Variants in FOXN3 observed in about 807,000 individuals in gnomAD.
FOXN3 encodes the protein forkhead box protein N3.
FOXN3 carries 7 observed loss-of-function variants against 38.4 expected under a neutral mutation model. That is an observed-to-expected ratio of 0.18 (90% CI 0.10 to 0.34). The LOEUF is 0.34. FOXN3 is among the 10% of genes least tolerant of loss of function. The pLI is 1.00. For synonymous variants in FOXN3, 230 were observed against 242.2 expected (o/e 0.95, Z 0.47); for missense variants, 456 against 613.4 (o/e 0.74, Z 2.71).
intron 4 of FOXN3, among the ~76,000 whole-genome samples, chr14:89,247,992 C>A (rs1885345312): frequency 6.6e-6 from 1 of 152,198 alleles, no homozygotes; most frequent in Non-Finnish European, 1.5e-5. Context: ...CATGGTGGCA[C>A]AATTGCACCT....
chr14:89,590,869 C>A (rs1895936183), intron 1 of FOXN3, among the ~76,000 whole-genome samples: 1 of 152,192 alleles, frequency 6.6e-6, no homozygotes, highest in East Asian at 1.9e-4. Flanking sequence ...CAGGGGAGGT[C>A]TACCCCCTAC....
chr14:89,501,356 C>T (rs1267382364), intron 1 of FOXN3, among the ~76,000 whole-genome samples: 1 of 152,138 alleles, frequency 6.6e-6, no homozygotes, highest in Non-Finnish European at 1.5e-5. Flanking sequence ...CACACAGCAG[C>T]TCACGATGGC....
intron 4 of FOXN3, among the ~76,000 whole-genome samples, chr14:89,223,615 A>T (rs183084008): frequency 3.4e-4 from 52 of 152,334 alleles, no homozygotes; most frequent in African/African-American, 1.2e-3. Context: ...TCCCTTTCAG[A>T]AAGCATCTGA....
At chr14:89,372,577 C>T (rs1384301259) in intron 2 of FOXN3, among the ~76,000 whole-genome samples, 1 of 152,160 alleles carries the variant, frequency 6.6e-6, no homozygotes, top group African/African-American at 2.4e-5. Flanking sequence ...CACCATACAA[C>T]CAAACTTTCC....
chr14:89,351,198 C>G (rs1035460811), intron 2 of FOXN3: 1 of 154,580 alleles, frequency 6.5e-6, no homozygotes, highest in African/African-American at 2.4e-5. Flanking sequence ...GGCCGAGACA[C>G]CCCCAAAAGT....
chr14:89,214,128 T>C (rs1884189073), intron 4 of FOXN3, among the ~76,000 whole-genome samples: 1 of 151,586 alleles, frequency 6.6e-6, no homozygotes. Context: ...ATATCTTTTT[T>C]GTTTGTTTGT....
At chr14:89,312,306 C>CAAAAAAAAAAAAAAAAAAAAAAAAAA (rs1887578056) in intron 3 of FOXN3, among the ~76,000 whole-genome samples, 1 of 60,512 alleles carries the variant, frequency 1.7e-5, no homozygotes, top group African/African-American at 7.1e-5. Context: ...AAAAAAGAAG[C>CAAAAAAAAAAAAAAAAAAAAAAAAAA]CAAGGCCCTC....
At chr14:89,275,629 A>G (rs1025876097) in intron 4 of FOXN3, among the ~76,000 whole-genome samples, 8 of 152,166 alleles carry the variant, frequency 5.3e-5, no homozygotes, top group Non-Finnish European at 1.0e-4. Context: ...TCAGCAGTAA[A>G]AGTTCGTAGC....
intron 4 of FOXN3, among the ~76,000 whole-genome samples, chr14:89,275,720 C>T (rs1415377886): frequency 6.6e-6 from 1 of 152,148 alleles, no homozygotes; most frequent in Non-Finnish European, 1.5e-5. Flanking sequence ...ATGAAGCCAA[C>T]CTAGAACATG....
intron 1 of FOXN3, among the ~76,000 whole-genome samples, chr14:89,572,903 G>C (rs1198189848): frequency 1.3e-5 from 2 of 152,190 alleles, no homozygotes; most frequent in African/African-American, 4.8e-5. Flanking sequence ...ATTGCTCGGG[G>C]TCATCGAACA....
rs142771864 is a variant in FOXN3 at position 89,311,812 on chromosome 14, C to A, written c.681-30798G>T. Among the ~76,000 whole-genome samples, 743 of 152,216 alleles carry A rather than the reference C, an allele frequency of 4.9e-3. 4 individuals are homozygous for A. The highest frequency in any genetic ancestry group is 0.011 in the South Asian group (54 of 4,826). ...CTGCACTCCAGCCTGGGTGACAGAG[C>A]GAGACTCCGTCTCAAAAAACAAACA... On this transcript the variant is annotated intron_variant, in intron 3 of 5. Coordinates refer to ENST00000557258, the MANE Select transcript of FOXN3 (RefSeq NM_005197.4).
intron 3 of FOXN3, among the ~76,000 whole-genome samples, chr14:89,318,426 T>A (rs977132393): frequency 6.6e-6 from 1 of 152,156 alleles, no homozygotes; most frequent in African/African-American, 2.4e-5. Context: ...CCCACAGTAC[T>A]GGGATTACAG....
intron 4 of FOXN3, among the ~76,000 whole-genome samples, chr14:89,245,621 G>A (rs1885270837): frequency 6.6e-6 from 1 of 152,168 alleles, no homozygotes; most frequent in African/African-American, 2.4e-5. Flanking sequence ...AGTAAAAGGG[G>A]AGCCTGTTCC....
chr14:89,285,299 T>C (rs993599480), intron 3 of FOXN3, among the ~76,000 whole-genome samples: 2 of 152,120 alleles, frequency 1.3e-5, no homozygotes, highest in Non-Finnish European at 2.9e-5. Context: ...GGTGGGCAGA[T>C]CACAAGGTCA....
At chr14:89,270,578 G>A (rs941339500) in intron 4 of FOXN3, among the ~76,000 whole-genome samples, 1 of 152,174 alleles carries the variant, frequency 6.6e-6, no homozygotes, top group Admixed American at 6.5e-5. Flanking sequence ...CTCAGCTGGT[G>A]GGTGGCAGAG....
Position 89,290,611 on chromosome 14 carries a change from A to G in FOXN3, c.681-9597T>C. On this transcript the variant is annotated intron_variant, in intron 3 of 5. Transcript: ENST00000557258. ...ACAAGGTCATTCCTGTCTTCTTGGT[A>G]CTCTGCTCTCCATTTACTTCCTTCC... 5.7e-6 allele frequency: 3 copies of G among 527,792 alleles called. No individual in the cohort carries two copies. In the Admixed American group the frequency reaches 6.8e-5, roughly 12 times the overall value. 32.7% of individuals were successfully genotyped at this position (527,792 alleles called of 1,614,324 possible).
chr14:89,615,646 C>A lies in FOXN3; in HGVS notation c.-15+3382G>T, dbSNP rs576337003. ...AAACAAGCAACTGACATGTTTCCTG[C>A]CAATGAACACACTTGCAGATAAGAA... On this transcript the variant is annotated intron_variant, in intron 1 of 6. Transcript: ENST00000345097. Among the ~76,000 whole-genome samples, 6 of 152,266 alleles carry A rather than the reference C, an allele frequency of 3.9e-5. No homozygotes were observed. In the South Asian group the frequency reaches 1.2e-3, roughly 32 times the overall value.
intron 4 of FOXN3, among the ~76,000 whole-genome samples, chr14:89,275,659 G>A (rs1886276641): frequency 6.6e-6 from 1 of 152,226 alleles, no homozygotes; most frequent in Non-Finnish European, 1.5e-5. Flanking sequence ...GGAGGGGTAA[G>A]AGTTGTGGAG....
At chr14:89,407,313 CAG>C (rs1353237079) in intron 2 of FOXN3, among the ~76,000 whole-genome samples, 6 of 152,190 alleles carry the variant, frequency 3.9e-5, no homozygotes, top group Admixed American at 2.6e-4. Context: ...CAGACTGACA[CAG>C]ACAGGAAACA....
Sources: gnomAD v4.1 joint callset for allele counts (sites outside exome capture counted in the v4.1 genomes callset) on GRCh38, gnomAD v4.1.1 for gene constraint, MANE v1.5 for transcripts, NCBI Gene and HGNC (gene_info 2026-07-23, HGNC 2026-07-21) for gene names.